NAP1L4: variants seen among roughly 807,000 people sequenced by gnomAD.
NAP1L4 encodes nucleosome assembly protein 1 like 4.
NAP1L4 carries 15 observed loss-of-function variants against 58.2 expected under a neutral mutation model. That is an observed-to-expected ratio of 0.26 (90% CI 0.17 to 0.40). The LOEUF (loss-of-function observed/expected upper bound fraction) is 0.40, where lower values mean the gene tolerates loss of function less well. NAP1L4 is among the 10% of genes least tolerant of loss of function. NAP1L4 has a pLI of 1.00. For synonymous variants in NAP1L4, 171 were observed against 155.6 expected (o/e 1.10, Z -0.74); for missense variants, 384 against 451.1 (o/e 0.85, Z 1.35).
chr11:2,968,988 G>GTTTTTT (rs61176259), intron 7 of NAP1L4, among the ~76,000 whole-genome samples: 6 of 113,580 alleles, frequency 5.3e-5, no homozygotes, highest in African/African-American at 6.0e-5. Context: ...TTGTTGTGTT[G>GTTTTTT]TTTTTTTTTT....
intron 7 of NAP1L4, among the ~76,000 whole-genome samples, chr11:2,968,878 A>T (rs1373786739): frequency 1.3e-5 from 2 of 152,196 alleles, no homozygotes; most frequent in Non-Finnish European, 2.9e-5. Context: ...AACTCATTTC[A>T]GGGAAAACCA....
intron 1 of NAP1L4, among the ~76,000 whole-genome samples, chr11:2,982,358 C>T (rs1291712118): frequency 6.6e-6 from 1 of 152,218 alleles, no homozygotes; most frequent in East Asian, 1.9e-4. Context: ...CACATACACA[C>T]TAATTGCTGA....
intron 1 of NAP1L4, among the ~76,000 whole-genome samples, chr11:2,982,598 G>T (rs778150239): frequency 3.3e-5 from 5 of 152,354 alleles, no homozygotes; most frequent in African/African-American, 1.2e-4. Context: ...GCTTGGAAAG[G>T]TGAGGTGCCA....
intron 10 of NAP1L4, among the ~76,000 whole-genome samples, chr11:2,958,054 G>A (rs1846647626): frequency 6.6e-6 from 1 of 152,214 alleles, no homozygotes; most frequent in Non-Finnish European, 1.5e-5. Flanking sequence ...GTGGAGAAGG[G>A]TGCTCCAGGT....
chr11:2,970,766 C>T (rs1292953578), intron 6 of NAP1L4, among the ~76,000 whole-genome samples: 3 of 152,158 alleles, frequency 2.0e-5, no homozygotes, highest in Non-Finnish European at 2.9e-5. Context: ...TATTAATCCA[C>T]AGCCATGGCT....
Position 2,959,180 on chromosome 11 carries a change from A to C in NAP1L4, c.746+590T>G, listed in dbSNP as rs1437659623. ...TTCTAAATTACTCTAGCAGGATTTT[A>C]ATAAAGTCCTGAATTAACAATTACT... On this transcript the variant is annotated intron_variant, in intron 9 of 15. Coordinates refer to ENST00000380542, the MANE Select transcript of NAP1L4 (RefSeq NM_005969.4). The surrounding 1 kb of genome is among the most constrained non-coding windows in gnomAD (Gnocchi z 4.9). Among the ~76,000 whole-genome samples, 2 of 152,270 alleles carry C rather than the reference A, an allele frequency of 1.3e-5. No individual in the cohort carries two copies. Among genetic ancestry groups the C allele is most frequent in the East Asian group, 3.8e-4 (2 of 5,208 alleles).
At position 2,944,823 on chromosome 11, in the gene NAP1L4, T is replaced by C. The variant is rs1367307803; in HGVS notation, c.*856A>G. On this transcript the variant is annotated 3_prime_UTR_variant, in exon 16 of 16. Transcript: ENST00000380542. ...CCTGCGTCATGAGGACGGGCTCGCATCTTCAGCCCTGGTGGCAGGGAGCGG... is the reference window on the plus strand; with the variant it reads ...CCTGCGTCATGAGGACGGGCTCGCACCTTCAGCCCTGGTGGCAGGGAGCGG... 1 of 152,242 alleles carries C rather than the reference T, an allele frequency of 6.6e-6. No homozygotes were observed. Among genetic ancestry groups the C allele is most frequent in the African/African-American group, 2.4e-5 (1 of 41,464 alleles). The allele number at this position is 152,242 out of a possible 1,614,324, so 9.4% of individuals were successfully genotyped here.
rs1423407869 is a variant in NAP1L4, at chr11:2,951,902, C to T, written c.1036-93G>A. On this transcript the variant is annotated intron_variant, in intron 12 of 15. Transcript: ENST00000380542. This position sits in a 1 kb window ranked among gnomAD's most constrained non-coding sequence, Gnocchi z 4.0. ...CCCATCAAGTGACTCACTGACCAAG[C>T]CTAAGAGGAGCAGAAAGTCCAGCCA... 1.6e-6 allele frequency: 2 copies of T among 1,278,588 alleles called. No individual in the cohort carries two copies. Among genetic ancestry groups the T allele is most frequent in the East Asian group, 2.3e-5 (1 of 42,894 alleles). 79.2% of individuals were successfully genotyped at this position (1,278,588 alleles called of 1,614,324 possible).
Position 2,954,266 on chromosome 11 carries a change from A to C in NAP1L4, c.1035+261T>G. ...GGTTTTGAGAGAATATTGTTGAGTC[A>C]CTAGGCAGGGCTCACATAGGAAACT... On this transcript the variant is annotated intron_variant, in intron 12 of 15. Transcript: ENST00000380542. The surrounding 1 kb of genome is among the most constrained non-coding windows in gnomAD (Gnocchi z 4.8). The C allele has an allele frequency of 1.8e-6, 1 of 550,484 alleles. No homozygotes were observed. Among genetic ancestry groups the C allele is most frequent in the Non-Finnish European group, 3.3e-6 (1 of 306,044 alleles). 34.1% of individuals were successfully genotyped at this position (550,484 alleles called of 1,614,324 possible). A position where few individuals can be genotyped will look rare whatever the true frequency, so the allele number is the denominator to read the frequency against.
intron 4 of NAP1L4, among the ~76,000 whole-genome samples, chr11:2,975,166 A>AG (rs1847874969): frequency 6.6e-6 from 1 of 151,668 alleles, no homozygotes; most frequent in Non-Finnish European, 1.5e-5. Context: ...AAAAAAAAAA[A>AG]AAATTGCCAT....
At chr11:2,974,903 C>T (rs1847856965) in intron 4 of NAP1L4, among the ~76,000 whole-genome samples, 1 of 152,138 alleles carries the variant, frequency 6.6e-6, no homozygotes, top group Admixed American at 6.5e-5. Flanking sequence ...TGGCGTGCAC[C>T]TGCAATTCCA....
At chr11:2,980,468 G>C (rs905945961) in intron 1 of NAP1L4, among the ~76,000 whole-genome samples, 3 of 152,202 alleles carry the variant, frequency 2.0e-5, no homozygotes, top group African/African-American at 7.2e-5. Flanking sequence ...TTACAGGTGT[G>C]AGTCAACACG....
Position 2,954,660 on chromosome 11 carries a change from A to G in NAP1L4, c.916-14T>C. 2 of 1,614,148 alleles carry G rather than the reference A, an allele frequency of 1.2e-6. No individual in the cohort carries two copies. Among genetic ancestry groups the G allele is most frequent in the Non-Finnish European group, 1.7e-6 (2 of 1,180,030 alleles). ...AGAATCTTCATCCTGAGGAGGAAAA[A>G]CCTACGTGTTAACTCATTTTAATGG... On this transcript the variant is annotated splice_polypyrimidine_tract_variant and intron_variant, in intron 11 of 15. Coordinates refer to ENST00000380542, the MANE Select transcript of NAP1L4 (RefSeq NM_005969.4). This position sits in a 1 kb window ranked among gnomAD's most constrained non-coding sequence, Gnocchi z 4.8.
intron 4 of NAP1L4, among the ~76,000 whole-genome samples, chr11:2,974,648 C>A (rs1350105645): frequency 6.6e-6 from 1 of 152,192 alleles, no homozygotes; most frequent in South Asian, 2.1e-4. Flanking sequence ...ATAATCCCAG[C>A]ACTTTGGGAG....
At position 2,945,518 on chromosome 11, in the gene NAP1L4, T is replaced by C; in HGVS notation, c.*161A>G. ...AACGAGTTAGATGGAGTAAGCTCTG[T>C]CCACGGGATTGTGCTGCGGCAAGGA... On this transcript the variant is annotated 3_prime_UTR_variant, in exon 16 of 16. Transcript: ENST00000380542. 2.6e-6 allele frequency: 3 copies of C among 1,137,996 alleles called. No homozygotes were observed. The highest frequency in any genetic ancestry group is 3.7e-6 in the Non-Finnish European group (3 of 802,650). 70.5% of individuals were successfully genotyped at this position (1,137,996 alleles called of 1,614,324 possible).
rs1236669136 is a variant in NAP1L4 at position 2,971,205 on chromosome 11, C to G, written c.402+243G>C. Among the ~76,000 whole-genome samples the G allele has an allele frequency of 6.6e-6, 1 of 152,162 alleles. No individual in the cohort carries two copies. Among genetic ancestry groups the G allele is most frequent in the African/African-American group, 2.4e-5 (1 of 41,432 alleles). On this transcript the variant is annotated intron_variant, in intron 6 of 15. Transcript: ENST00000380542. This position sits in a 1 kb window ranked among gnomAD's most constrained non-coding sequence, Gnocchi z 4.2. ...TGTTTTAATCTTTGTTGGTCTGATC[C>G]CTTATTTCAATATGCTCCTGTCCAC...
At chr11:2,987,450 GATA>G (rs1848699110) in intron 1 of NAP1L4, among the ~76,000 whole-genome samples, 8 of 150,974 alleles carry the variant, frequency 5.3e-5, no homozygotes, top group Admixed American at 5.3e-4. Flanking sequence ...CCAGGCCCAT[GATA>G]ATGTTTAAAA....
chr11:2,959,663 C>G lies in NAP1L4; in HGVS notation c.746+107G>C. ...TCTACCAGGCTTTTAGGCTTTTAAG[C>G]AGACTCAAGACTGTACTTTATTCCT... is the stretch of plus-strand genomic sequence containing the variant. On this transcript the variant is annotated intron_variant, in intron 9 of 15. Coordinates refer to ENST00000380542, the MANE Select transcript of NAP1L4 (RefSeq NM_005969.4). This position sits in a 1 kb window ranked among gnomAD's most constrained non-coding sequence, Gnocchi z 4.9. 1 of 1,320,910 alleles carries G rather than the reference C, an allele frequency of 7.6e-7. No individual in the cohort carries two copies. Among genetic ancestry groups the G allele is most frequent in the East Asian group, 2.4e-5 (1 of 42,270 alleles). 81.8% of individuals were successfully genotyped at this position (1,320,910 alleles called of 1,614,324 possible).
At chr11:2,984,615 C>T (rs1848519745) in intron 1 of NAP1L4, among the ~76,000 whole-genome samples, 1 of 152,060 alleles carries the variant, frequency 6.6e-6, no homozygotes, top group African/African-American at 2.4e-5. Flanking sequence ...CTTCAATGGT[C>T]CCCCGTCACC....
Sources: allele counts gnomAD v4.1 joint callset (sites outside exome capture counted in the v4.1 genomes callset), GRCh38; gene constraint gnomAD v4.1.1; non-coding constraint Gnocchi (gnomAD v3.1); transcripts MANE v1.5; gene names NCBI Gene and HGNC (gene_info 2026-07-23, HGNC 2026-07-21).